Variants in RFC5 observed in about 807,000 individuals in gnomAD.
RFC5 encodes the protein A1 36 kDa subunit.
Under a neutral mutation model 44.3 loss-of-function variants are expected in RFC5, and 26 were observed. That is an observed-to-expected ratio of 0.59 (90% CI 0.43 to 0.81). The LOEUF is 0.81. Ranked by LOEUF, RFC5 falls within the 40% of genes least tolerant of loss-of-function variation. RFC5 has a pLI of 0.00. For synonymous variants in RFC5, 155 were observed against 155.2 expected (o/e 1.00, Z 0.01); for missense variants, 328 against 418.6 (o/e 0.78, Z 1.89).
chr12:118,030,342 A>G (rs2031235038), intron 10 of RFC5, among the ~76,000 whole-genome samples: 1 of 152,178 alleles, frequency 6.6e-6, no homozygotes, highest in South Asian at 2.1e-4. Context: ...TGGCTTTCAC[A>G]GGCACAAATT....
chr12:118,020,681 A>T (rs1265359957), intron 3 of RFC5, among the ~76,000 whole-genome samples: 1 of 152,210 alleles, frequency 6.6e-6, no homozygotes, highest in Non-Finnish European at 1.5e-5. Flanking sequence ...TCTCCAATTT[A>T]TGTCAGTCAT....
chr12:118,035,445 GC>G (rs2031489406), downstream of RFC5: 4 of 782,944 alleles, frequency 5.1e-6, no homozygotes, highest in Non-Finnish European at 8.4e-6. Flanking sequence ...TGCATTGTGT[GC>G]CCCTCGTGGA....
downstream of RFC5, among the ~76,000 whole-genome samples, chr12:118,037,027 C>A (rs2031526831): frequency 6.6e-6 from 1 of 152,046 alleles, no homozygotes; most frequent in African/African-American, 2.4e-5. Context: ...ACTGAAAATA[C>A]AAAAATTAGC....
At chr12:118,017,766 G>A in intron 1 of RFC5, 1 of 655,694 alleles carries the variant, frequency 1.5e-6, no homozygotes, top group Non-Finnish European at 2.8e-6. Context: ...AAACATTGGG[G>A]TTCAAGCCAT....
At chr12:118,018,818 C>T (rs915842719) in intron 1 of RFC5, among the ~76,000 whole-genome samples, 6 of 152,042 alleles carry the variant, frequency 3.9e-5, no homozygotes, top group Non-Finnish European at 4.4e-5. Context: ...GGCATATTAT[C>T]GGGTTAGCAG....
chr12:118,019,484 T>G lies in RFC5; in HGVS notation c.131-148T>G. ...GTGAATTCCAGTTGTTCCACGAAAGTAGATATGAGGCCCCTACATCAAGTT... is the reference window on the plus strand; with the variant it reads ...GTGAATTCCAGTTGTTCCACGAAAGGAGATATGAGGCCCCTACATCAAGTT... On this transcript the variant is annotated intron_variant, in intron 2 of 10. Transcript: ENST00000454402. This position sits in a 1 kb window ranked among gnomAD's most constrained non-coding sequence, Gnocchi z 4.2. 1 of 816,956 alleles carries G rather than the reference T, an allele frequency of 1.2e-6. No homozygotes were observed. Among genetic ancestry groups the G allele is most frequent in the African/African-American group, 1.7e-5 (1 of 58,440 alleles). 50.6% of individuals were successfully genotyped at this position (816,956 alleles called of 1,614,324 possible).
Position 118,029,854 on chromosome 12 carries a change from C to A in RFC5, c.926+29C>A, listed in dbSNP as rs375593996. ...AGTACTTCTTGCCCCAGTTTTAATT[C>A]TTTTCTTCCTTTTTTCCCCTGTTGT... On this transcript the variant is annotated intron_variant, in intron 10 of 10. Transcript: ENST00000454402. 18 of 1,478,234 alleles carry A rather than the reference C, an allele frequency of 1.2e-5. No individual in the cohort carries two copies. In the African/African-American group the frequency reaches 1.5e-4, roughly 13 times the overall value. 91.6% of individuals were successfully genotyped at this position (1,478,234 alleles called of 1,614,324 possible).
Position 118,031,979 on chromosome 12 carries a change from G to A in RFC5, c.*701G>A, listed in dbSNP as rs1245026896. On this transcript the variant is annotated 3_prime_UTR_variant, in exon 11 of 11. Coordinates refer to ENST00000454402, the MANE Select transcript of RFC5 (RefSeq NM_007370.7). The stretch of plus-strand genomic sequence containing the variant: ...ATGCAGGAGCGGGGCAAGTAAGGTT[G>A]AGCCTGACTGTAAACCTAGAACTGC... 1 of 152,226 alleles carries A rather than the reference G, an allele frequency of 6.6e-6. No individual in the cohort carries two copies. Among genetic ancestry groups the A allele is most frequent in the Non-Finnish European group, 1.5e-5 (1 of 68,052 alleles). The allele number at this position is 152,226 out of a possible 1,614,324, so 9.4% of individuals were successfully genotyped here. A position where few individuals can be genotyped will look rare whatever the true frequency, so the allele number is the denominator to read the frequency against.
the RFC5 span, among the ~76,000 whole-genome samples, chr12:118,038,837 C>T: frequency 1.3e-5 from 2 of 152,068 alleles, no homozygotes; most frequent in South Asian, 2.1e-4. Context: ...TGTGCCACTG[C>T]GCCCAGCTCA....
rs2030336609 is a variant in RFC5, at chr12:118,019,486, G to A, written c.131-146G>A. The A allele has an allele frequency of 2.4e-6, 2 of 830,902 alleles. No homozygotes were observed. The highest frequency in any genetic ancestry group is 3.9e-6 in the Non-Finnish European group (2 of 514,528). The allele number at this position is 830,902 out of a possible 1,614,324, so 51.5% of individuals were successfully genotyped here. ...GAATTCCAGTTGTTCCACGAAAGTA[G>A]ATATGAGGCCCCTACATCAAGTTGT... is the stretch of plus-strand genomic sequence containing the variant. On this transcript the variant is annotated intron_variant, in intron 2 of 10. Coordinates refer to ENST00000454402, the MANE Select transcript of RFC5 (RefSeq NM_007370.7). This position sits in a 1 kb window ranked among gnomAD's most constrained non-coding sequence, Gnocchi z 4.2.
chr12:118,039,949 TTGGCTAGGC>T, the RFC5 span, among the ~76,000 whole-genome samples: 1 of 152,062 alleles, frequency 6.6e-6, no homozygotes, highest in Admixed American at 6.6e-5. Flanking sequence ...TTTCACCATG[TTGGCTAGGC>T]TGGTCTCGAA....
At chr12:118,037,662 C>T, downstream of RFC5, among the ~76,000 whole-genome samples, 1 of 143,754 alleles carries the variant, frequency 7.0e-6, no homozygotes. Flanking sequence ...CAGCGAAACT[C>T]TGTCTAAAAA....
downstream of RFC5, chr12:118,032,570 C>G (rs1297032928): frequency 6.6e-6 from 1 of 152,266 alleles, no homozygotes. Flanking sequence ...CAGGCTCGAG[C>G]AGTTCTCCCA....
At position 118,019,257 on chromosome 12, in the gene RFC5, C is replaced by A; in HGVS notation, c.130+121C>A. ...TCTGATTGCGCTTTGTAGAATGTGG[C>A]TTTAAGATCATTCATTCATTTTCTT... On this transcript the variant is annotated intron_variant, in intron 2 of 10. Coordinates refer to ENST00000454402, the MANE Select transcript of RFC5 (RefSeq NM_007370.7). The surrounding 1 kb of genome is among the most constrained non-coding windows in gnomAD (Gnocchi z 4.2). 2 of 775,818 alleles carry A rather than the reference C, an allele frequency of 2.6e-6. No homozygotes were observed. The highest frequency in any genetic ancestry group is 4.4e-6 in the Non-Finnish European group (2 of 449,858). The allele number at this position is 775,818 out of a possible 1,614,324, so 48.1% of individuals were successfully genotyped here. A position where few individuals can be genotyped will look rare whatever the true frequency, so the allele number is the denominator to read the frequency against.
chr12:118,039,515 G>A, the RFC5 span, among the ~76,000 whole-genome samples: 1 of 152,070 alleles, frequency 6.6e-6, no homozygotes, highest in Non-Finnish European at 1.5e-5. Context: ...GATTATACAA[G>A]TAGACAGAAA....
At chr12:118,038,235 C>T in the RFC5 span, 1 of 1,541,432 alleles carries the variant, frequency 6.5e-7, no homozygotes, top group Non-Finnish European at 8.8e-7. Flanking sequence ...ACCAGGCCAC[C>T]ACTTCAGACC....
downstream of RFC5, chr12:118,036,378 T>A (rs745822746): frequency 1.2e-6 from 2 of 1,614,196 alleles, no homozygotes; most frequent in Non-Finnish European, 1.7e-6. Context: ...GGGTCCCACA[T>A]AATCACATTG....
chr12:118,027,879 C>G (rs563160508), intron 8 of RFC5, 74 bp from the exon 9 acceptor site: 3 of 897,706 alleles, frequency 3.3e-6, no homozygotes, highest in Non-Finnish European at 5.6e-6. Context: ...GTCTCTTGCC[C>G]GGGTTTGGAT....
chr12:118,022,354 G>A lies in RFC5; in HGVS notation c.416G>A (p.Arg139Lys). 3 of 1,611,546 alleles carry A rather than the reference G, an allele frequency of 1.9e-6. No individual in the cohort carries two copies. The highest frequency in any genetic ancestry group is 2.5e-6 in the Non-Finnish European group (3 of 1,177,652). ...ACTCAGGACGCCCAGAATGCCTTGA[G>A]AAGAGGTAAGCAGAGGCACTGTGGA... ...AMTQDAQNALRRVIEKFTENT... is the reference protein window; with the variant it reads ...AMTQDAQNALKRVIEKFTENT... The change falls in exon 5 of 11, where the codon AGA becomes AAA. Residue 139 changes from arginine (R) to lysine (K), a missense_variant. Arg to Lys is a conservative substitution (Grantham distance 26). Coordinates refer to ENST00000454402, the MANE Select transcript of RFC5 (RefSeq NM_007370.7).
Sources: allele counts gnomAD v4.1 joint callset (sites outside exome capture counted in the v4.1 genomes callset), GRCh38; gene constraint gnomAD v4.1.1; non-coding constraint Gnocchi (gnomAD v3.1); transcripts MANE v1.5; gene names NCBI Gene and HGNC (gene_info 2026-07-23, HGNC 2026-07-21).